Variants in TENM3 observed in about 807,000 individuals in gnomAD.
The protein encoded by TENM3 is teneurin transmembrane protein 3, also known as teneurin-3.
In TENM3, 63 loss-of-function variants were observed where a neutral mutation model predicts 255.1. That is an observed-to-expected ratio of 0.25 (90% CI 0.20 to 0.30). The LOEUF (loss-of-function observed/expected upper bound fraction) is 0.30. Ranked by LOEUF, TENM3 falls within the 10% of genes least tolerant of loss-of-function variation. The pLI, the probability that TENM3 is intolerant of heterozygous loss-of-function variation, is 1.00. For missense variants in TENM3, 2,929 were observed against 3,461.1 expected (o/e 0.85, Z 3.86); for synonymous variants, 1,306 against 1,322.3 (o/e 0.99, Z 0.27).
chr4:181,476,206 GTT>G, the TENM3 span, among the ~76,000 whole-genome samples: 7 of 115,396 alleles, frequency 6.1e-5, no homozygotes, highest in South Asian at 5.7e-4. Context: ...CATTTTAGGG[GTT>G]TTTTTTTTTT....
At chr4:181,810,722 G>A in the TENM3 span, among the ~76,000 whole-genome samples, 2 of 152,040 alleles carry the variant, frequency 1.3e-5, no homozygotes, top group Non-Finnish European at 2.9e-5. Context: ...TTATGCCAGT[G>A]GCATTTGAAG....
intron 2 of TENM3, among the ~76,000 whole-genome samples, chr4:182,324,466 G>A (rs1561321798): frequency 6.6e-6 from 1 of 152,222 alleles, no homozygotes; most frequent in Non-Finnish European, 1.5e-5. Flanking sequence ...GCACTGACAC[G>A]TGGAGAATTC....
At chr4:181,587,780 T>A in the TENM3 span, among the ~76,000 whole-genome samples, 1 of 152,208 alleles carries the variant, frequency 6.6e-6, no homozygotes, top group Non-Finnish European at 1.5e-5. Flanking sequence ...CTTCCTAATC[T>A]GAGAGTGAGG....
Position 182,161,874 on chromosome 4 carries a change from TATATATATACACAC to T in TENM3, c.-76+17127_-76+17140del, listed in dbSNP as rs1261657796. On this transcript the variant is annotated intron_variant, in intron 1 of 2. Coordinates refer to the TENM3 transcript ENST00000512480. ...ACAAATATATATGTGTATATATGTG[TATATATATACACAC>T]ATATATGTGTATATATACACACACA... Among the ~76,000 whole-genome samples, 21 of 10,120 alleles carry T rather than the reference TATATATATACACAC, an allele frequency of 2.1e-3. 5 individuals are homozygous for T. The highest frequency in any genetic ancestry group is 7.7e-3 in the Non-Finnish European group (16 of 2,068). 6.6% of individuals were successfully genotyped at this position (10,120 alleles called of 152,430 possible).
chr4:181,858,172 T>C, the TENM3 span, among the ~76,000 whole-genome samples: 127,249 of 152,208 alleles, frequency 0.84, 55,128 homozygotes, highest in Non-Finnish European at 0.95. Flanking sequence ...AATCACGGCT[T>C]ACTGCAGCAG....
the TENM3 span, among the ~76,000 whole-genome samples, chr4:182,017,581 G>GAC: frequency 1.9e-4 from 29 of 151,674 alleles, no homozygotes; most frequent in East Asian, 5.8e-4. Context: ...ATGAAATACA[G>GAC]ACACACACAC....
intron 1 of TENM3, among the ~76,000 whole-genome samples, chr4:182,156,400 A>C (rs1010912444): frequency 6.6e-6 from 1 of 152,042 alleles, no homozygotes; most frequent in Non-Finnish European, 1.5e-5. Context: ...CAGGCAGATT[A>C]GTTACATGGG....
chr4:181,871,883 G>A, the TENM3 span, among the ~76,000 whole-genome samples: 3 of 152,126 alleles, frequency 2.0e-5, no homozygotes, highest in South Asian at 6.2e-4. Context: ...TAAGTGCTAA[G>A]CCCATCTTGC....
At chr4:182,045,347 G>A in the TENM3 span, among the ~76,000 whole-genome samples, 5 of 149,188 alleles carry the variant, frequency 3.4e-5, no homozygotes, top group African/African-American at 1.2e-4. Context: ...TGACTTAGTA[G>A]AAGCGAATTT....
At chr4:181,766,285 C>T in the TENM3 span, among the ~76,000 whole-genome samples, 5 of 152,150 alleles carry the variant, frequency 3.3e-5, no homozygotes, top group Non-Finnish European at 7.3e-5. Flanking sequence ...AACTTCATGC[C>T]TTTTGCATTA....
chr4:182,744,161 T>C (rs1310748780), intron 19 of TENM3: 2 of 785,188 alleles, frequency 2.5e-6, no homozygotes, highest in Admixed American at 6.6e-5. Flanking sequence ...ATTTTAGACA[T>C]AGGTAAGCAT....
chr4:182,630,778 T>A (rs200823400), intron 5 of TENM3, among the ~76,000 whole-genome samples: 1 of 147,156 alleles, frequency 6.8e-6, no homozygotes, highest in Admixed American at 7.0e-5. Context: ...TATTATTTTT[T>A]TTTTACTAAA....
At chr4:181,579,304 C>T in the TENM3 span, among the ~76,000 whole-genome samples, 4 of 152,142 alleles carry the variant, frequency 2.6e-5, no homozygotes, top group Non-Finnish European at 5.9e-5. Context: ...TAACCACTCC[C>T]CCCACATCTA....
chr4:182,539,647 G>A (rs528311206), intron 3 of TENM3, among the ~76,000 whole-genome samples: 45 of 152,266 alleles, frequency 3.0e-4, no homozygotes, highest in African/African-American at 9.1e-4. Context: ...TTAAATTTTC[G>A]TACAGCATTA....
intron 4 of TENM3, among the ~76,000 whole-genome samples, chr4:182,612,842 A>G (rs1028513163): frequency 2.0e-5 from 3 of 152,182 alleles, no homozygotes; most frequent in Admixed American, 6.6e-5. Flanking sequence ...AGTAAGCTTC[A>G]CTGAAGCCCT....
chr4:182,231,796 C>T (rs370920943), intron 1 of TENM3, among the ~76,000 whole-genome samples: 11 of 152,068 alleles, frequency 7.2e-5, no homozygotes, highest in Admixed American at 2.0e-4. Context: ...GGGATGCACC[C>T]GAGGTTAAGG....
At chr4:181,763,303 A>G in the TENM3 span, among the ~76,000 whole-genome samples, 1 of 152,136 alleles carries the variant, frequency 6.6e-6, no homozygotes, top group Admixed American at 6.6e-5. Flanking sequence ...CTTCTTAGTC[A>G]TCATCATCAT....
chr4:181,628,687 G>A, the TENM3 span, among the ~76,000 whole-genome samples: 110 of 152,204 alleles, frequency 7.2e-4, no homozygotes, highest in African/African-American at 2.1e-3. Flanking sequence ...TGTTCCATTG[G>A]TCTATATCTC....
At chr4:181,529,510 A>C in the TENM3 span, among the ~76,000 whole-genome samples, 1 of 152,204 alleles carries the variant, frequency 6.6e-6, no homozygotes, top group Admixed American at 6.5e-5. Flanking sequence ...CTTTCAGGAG[A>C]CATGAGAACT....
Sources: gnomAD v4.1 joint callset for allele counts (sites outside exome capture counted in the v4.1 genomes callset) on GRCh38, gnomAD v4.1.1 for gene constraint, MANE v1.5 for transcripts, NCBI Gene and HGNC (gene_info 2026-07-23, HGNC 2026-07-21) for gene names.